HEMK2: variants seen among roughly 807,000 people sequenced by gnomAD.
The protein encoded by HEMK2 is methyltransferase HEMK2.
At chr21:28,670,440 T>G in the HEMK2 span, among the ~76,000 whole-genome samples, 1 of 152,210 alleles carries the variant, frequency 6.6e-6, no homozygotes. Context: ...TCTTTTCTCA[T>G]TGCTGTGTAC....
chr21:28,720,028 T>C, the HEMK2 span, among the ~76,000 whole-genome samples: 1 of 152,210 alleles, frequency 6.6e-6, no homozygotes, highest in Non-Finnish European at 1.5e-5. Context: ...CCCTGTTTTT[T>C]ACATTTGTGT....
chr21:28,822,090 T>C, the HEMK2 span, among the ~76,000 whole-genome samples: 4 of 152,242 alleles, frequency 2.6e-5, no homozygotes, highest in African/African-American at 9.6e-5. Flanking sequence ...CATTCTCTGC[T>C]TCCCTTTTAT....
chr21:28,590,078 G>T, the HEMK2 span, among the ~76,000 whole-genome samples: 2 of 152,198 alleles, frequency 1.3e-5, no homozygotes, highest in Non-Finnish European at 2.9e-5. Flanking sequence ...GGTTCCCCAT[G>T]ATGCCCCACA....
chr21:28,587,236 A>G, the HEMK2 span, among the ~76,000 whole-genome samples: 1 of 151,490 alleles, frequency 6.6e-6, no homozygotes, highest in Non-Finnish European at 1.5e-5. Flanking sequence ...GCTCTAAACT[A>G]CTCATGCCAA....
chr21:28,627,646 T>C, the HEMK2 span, among the ~76,000 whole-genome samples: 1 of 152,164 alleles, frequency 6.6e-6, no homozygotes, highest in Non-Finnish European at 1.5e-5. Context: ...GATTTGTGTA[T>C]ACAGTGAGGC....
At chr21:28,721,900 TCACACACACACACACA>T in the HEMK2 span, among the ~76,000 whole-genome samples, 1 of 127,296 alleles carries the variant, frequency 7.9e-6, no homozygotes, top group Non-Finnish European at 1.6e-5. Flanking sequence ...TTCTTAACCA[TCACACACACACACACA>T]CACACACACA....
chr21:28,832,768 A>C, the HEMK2 span, among the ~76,000 whole-genome samples: 36 of 152,320 alleles, frequency 2.4e-4, no homozygotes, highest in Non-Finnish European at 3.5e-4. Context: ...CATACAGACT[A>C]CTAAGTTAAC....
At chr21:28,730,205 C>CG in the HEMK2 span, among the ~76,000 whole-genome samples, 1 of 124,498 alleles carries the variant, frequency 8.0e-6, no homozygotes, top group Non-Finnish European at 1.6e-5. Context: ...TAGTGAGACC[C>CG]CCATTGCCAC....
chr21:28,720,155 G>T, the HEMK2 span, among the ~76,000 whole-genome samples: 1 of 152,290 alleles, frequency 6.6e-6, no homozygotes, highest in South Asian at 2.1e-4. Flanking sequence ...TGTTGGCCAT[G>T]AGTTCAATAC....
chr21:28,822,147 C>T, the HEMK2 span, among the ~76,000 whole-genome samples: 4 of 129,752 alleles, frequency 3.1e-5, no homozygotes, highest in Non-Finnish European at 5.3e-5. Flanking sequence ...TTTAGCCACA[C>T]TCTGAAAAGT....
At chr21:28,867,395 C>T in the HEMK2 span, among the ~76,000 whole-genome samples, 2 of 152,056 alleles carry the variant, frequency 1.3e-5, no homozygotes, top group Non-Finnish European at 2.9e-5. Context: ...ATAAAAAAAT[C>T]CCAATGTGCC....
chr21:28,730,609 G>A, the HEMK2 span, among the ~76,000 whole-genome samples: 26 of 152,066 alleles, frequency 1.7e-4, no homozygotes, highest in African/African-American at 5.8e-4. Flanking sequence ...CTATTGAACT[G>A]AGGCCTCAGT....
At chr21:28,588,933 A>G in the HEMK2 span, among the ~76,000 whole-genome samples, 3 of 150,352 alleles carry the variant, frequency 2.0e-5, no homozygotes, top group South Asian at 2.1e-4. Flanking sequence ...CAGTGAGCAG[A>G]TATCACGCCA....
the HEMK2 span, among the ~76,000 whole-genome samples, chr21:28,881,773 A>G: frequency 6.6e-6 from 1 of 151,936 alleles, no homozygotes; most frequent in Non-Finnish European, 1.5e-5. Flanking sequence ...CTGGCACGAC[A>G]GGTGCGCACA....
At chr21:28,665,148 G>A in the HEMK2 span, among the ~76,000 whole-genome samples, 3 of 151,046 alleles carry the variant, frequency 2.0e-5, no homozygotes, top group East Asian at 5.8e-4. Context: ...AGCCAGGAGT[G>A]GCGGCATGCA....
chr21:28,845,829 G>C, the HEMK2 span, among the ~76,000 whole-genome samples: 2 of 151,930 alleles, frequency 1.3e-5, no homozygotes, highest in Non-Finnish European at 2.9e-5. Flanking sequence ...AGGGGTACGT[G>C]TGCAGATTTG....
At chr21:28,662,019 T>C in the HEMK2 span, among the ~76,000 whole-genome samples, 1 of 152,048 alleles carries the variant, frequency 6.6e-6, no homozygotes, top group Non-Finnish European at 1.5e-5. Context: ...TTTTGTTAAT[T>C]AGAGAAAAAG....
chr21:28,758,328 C>A, the HEMK2 span, among the ~76,000 whole-genome samples: 7 of 151,854 alleles, frequency 4.6e-5, no homozygotes, highest in Non-Finnish European at 1.0e-4. Flanking sequence ...TCATGTTGGG[C>A]GGGACAAAAA....
the HEMK2 span, among the ~76,000 whole-genome samples, chr21:28,788,706 A>C: frequency 1.1e-5 from 1 of 90,764 alleles, no homozygotes; most frequent in Admixed American, 1.3e-4. Context: ...TAGGTACTCC[A>C]AAAAAAAAAA....
Sources: gnomAD v4.1 joint callset for allele counts (sites outside exome capture counted in the v4.1 genomes callset) on GRCh38, gnomAD v4.1.1 for gene constraint, MANE v1.5 for transcripts, NCBI Gene and HGNC (gene_info 2026-07-23, HGNC 2026-07-21) for gene names.